Variants in G3BP2 observed in about 807,000 individuals in gnomAD.
G3BP2 encodes the protein ras GTPase-activating protein-binding protein 2.
Under a neutral mutation model 56.7 loss-of-function variants are expected in G3BP2, and 11 were observed. That is an observed-to-expected ratio of 0.19 (90% CI 0.12 to 0.32). The LOEUF is 0.32. Ranked by LOEUF, G3BP2 falls within the 10% of genes least tolerant of loss-of-function variation. G3BP2 has a pLI of 1.00. For missense variants in G3BP2, 340 were observed against 610.9 expected (o/e 0.56, Z 4.67); for synonymous variants, 165 against 191.6 (o/e 0.86, Z 1.15).
chr4:75,702,171 A>AT (rs57529973), intron 3 of G3BP2, among the ~76,000 whole-genome samples: 3,218 of 107,476 alleles, frequency 0.03, 181 homozygotes, highest in African/African-American at 0.093. Context: ...AAACCCCCCA[A>AT]TTTTTTTTTT....
intron 5 of G3BP2, among the ~76,000 whole-genome samples, chr4:75,656,486 A>C (rs1732128089): frequency 6.6e-6 from 1 of 152,220 alleles, no homozygotes; most frequent in African/African-American, 2.4e-5. Context: ...TAGAGCAATA[A>C]TGATAAAGAA....
chr4:75,694,299 G>T (rs571939037), intron 3 of G3BP2, among the ~76,000 whole-genome samples: 6 of 152,202 alleles, frequency 3.9e-5, no homozygotes, highest in African/African-American at 1.2e-4. Flanking sequence ...TGATCAGGAC[G>T]AGTGTTTAAA....
chr4:75,673,477 C>T (rs757570239), upstream of G3BP2: 8 of 1,232,174 alleles, frequency 6.5e-6, no homozygotes, highest in Middle Eastern at 3.1e-4. Flanking sequence ...AGGGAACCCC[C>T]GAGCACAGCG....
intron 2 of G3BP2, among the ~76,000 whole-genome samples, chr4:75,721,315 C>T (rs1440938932): frequency 4.6e-5 from 7 of 150,872 alleles, no homozygotes; most frequent in African/African-American, 1.7e-4. Context: ...GTGGCACAAT[C>T]ATGGCTCAAT....
intron 3 of G3BP2, among the ~76,000 whole-genome samples, 158 bp downstream of exon 3, chr4:75,658,685 C>G (rs1732306774): frequency 1.3e-5 from 2 of 151,306 alleles, no homozygotes; most frequent in African/African-American, 4.9e-5. Flanking sequence ...TGAGATCGCA[C>G]CACTGCACTC....
At chr4:75,713,524 T>C (rs2149111636) in intron 3 of G3BP2, among the ~76,000 whole-genome samples, 1 of 152,276 alleles carries the variant, frequency 6.6e-6, no homozygotes, top group Middle Eastern at 3.4e-3. Flanking sequence ...GGATCCTGCC[T>C]GTAATCTTGG....
intron 3 of G3BP2, among the ~76,000 whole-genome samples, chr4:75,697,302 G>C (rs2055999): frequency 3.7e-5 from 2 of 53,362 alleles, no homozygotes; most frequent in Non-Finnish European, 6.7e-5. Context: ...AAAAAAAAAA[G>C]ATCATGAAAT....
intron 5 of G3BP2, among the ~76,000 whole-genome samples, chr4:75,656,262 G>T (rs1289742555): frequency 1.3e-5 from 2 of 150,778 alleles, no homozygotes; most frequent in Non-Finnish European, 2.9e-5. Flanking sequence ...AAAACACTGG[G>T]ATTCCGGGCA....
Position 75,660,768 on chromosome 4 carries a change from T to C in G3BP2, c.95+1163A>G, listed in dbSNP as rs562652773. On this transcript the variant is annotated intron_variant, in intron 2 of 11. Transcript: ENST00000359707. ...TGGCAATATATTTATCCTTAACCCA[T>C]CTGGCCAGTGTGTTCTGCAATACTT... Among the ~76,000 whole-genome samples the C allele has an allele frequency of 3.9e-5, 6 of 152,288 alleles. No homozygotes were observed. The South Asian group carries it at 1.2e-3, about 32-fold the overall frequency.
intron 2 of G3BP2, among the ~76,000 whole-genome samples, chr4:75,660,662 C>T (rs1216280476): frequency 1.3e-5 from 2 of 152,270 alleles, no homozygotes; most frequent in Middle Eastern, 3.4e-3. Context: ...CAGAGCAAGA[C>T]AAATTGCTAC....
At chr4:75,707,546 G>C (rs1913299) in intron 3 of G3BP2, among the ~76,000 whole-genome samples, 130,033 of 149,240 alleles carry the variant, frequency 0.87, 56,646 homozygotes, top group East Asian at 0.9. Flanking sequence ...GGAGGCGGAG[G>C]TTGCAGTGAG....
chr4:75,717,786 C>T (rs1343887741), intron 3 of G3BP2, among the ~76,000 whole-genome samples: 1 of 152,096 alleles, frequency 6.6e-6, no homozygotes, highest in Non-Finnish European at 1.5e-5. Context: ...GTCAAATTCT[C>T]CACAAGAAAC....
chr4:75,652,662 T>C (rs533882147), intron 8 of G3BP2, among the ~76,000 whole-genome samples: 1 of 152,226 alleles, frequency 6.6e-6, no homozygotes, highest in South Asian at 2.1e-4. Context: ...ATGAGCCACA[T>C]ATGGACTCAT....
intron 3 of G3BP2, among the ~76,000 whole-genome samples, chr4:75,702,795 CA>C (rs781056914): frequency 3.3e-5 from 5 of 152,156 alleles, no homozygotes; most frequent in Non-Finnish European, 5.9e-5. Flanking sequence ...AAGAGACTTC[CA>C]AATGCTTCCA....
intron 2 of G3BP2, among the ~76,000 whole-genome samples, chr4:75,721,334 G>T (rs572329725): frequency 6.7e-6 from 1 of 149,638 alleles, no homozygotes; most frequent in Non-Finnish European, 1.5e-5. Context: ...ATGCAGCCTT[G>T]ATCTCCCAGG....
At position 75,711,534 on chromosome 4, in the gene G3BP2, G is replaced by A. The variant is rs566999552; in HGVS notation, c.-25+9343C>T. On this transcript the variant is annotated intron_variant, in intron 3 of 3. Coordinates refer to the G3BP2 transcript ENST00000499709. ...TTGAGACCAGCCTGGCCAACGTGGT[G>A]AAATCCTGCCTCTACTAAAAATACA... 2.5e-4 allele frequency among the ~76,000 whole-genome samples: 38 copies of A among 151,798 alleles called. 1 individual carries two copies. In the South Asian group the frequency reaches 6.5e-3, roughly 26 times the overall value.
chr4:75,722,298 C>T (rs144288953), intron 1 of G3BP2, among the ~76,000 whole-genome samples: 396 of 152,268 alleles, frequency 2.6e-3, no homozygotes, highest in South Asian at 4.8e-3. Flanking sequence ...TAAGCTGTTA[C>T]TACTACACTC....
intron 1 of G3BP2, among the ~76,000 whole-genome samples, chr4:75,665,684 C>G (rs1033073914): frequency 3.6e-4 from 54 of 148,414 alleles, no homozygotes; most frequent in African/African-American, 1.2e-3. Flanking sequence ...CACACACACA[C>G]AGCTAAGCAA....
In G3BP2 at chr4:75,644,470, C is replaced by T. The variant is rs1353603463; in HGVS notation, c.*960G>A. 6.6e-6 allele frequency: 1 copy of T among 152,620 alleles called. No individual in the cohort carries two copies. The highest frequency in any genetic ancestry group is 1.5e-5 in the Non-Finnish European group (1 of 68,044). The allele number at this position is 152,620 out of a possible 1,614,324, so 9.5% of individuals were successfully genotyped here. A position where few individuals can be genotyped will look rare whatever the true frequency, so the allele number is the denominator to read the frequency against. ...TTTGCAGCTGTTTGGCTTTGCAGCA[C>T]AGCAATTCATACACTATACTGTACA... On this transcript the variant is annotated 3_prime_UTR_variant, in exon 12 of 12. Coordinates refer to ENST00000359707, the MANE Select transcript of G3BP2 (RefSeq NM_203505.3).
Sources: allele counts gnomAD v4.1 joint callset (sites outside exome capture counted in the v4.1 genomes callset), GRCh38; gene constraint gnomAD v4.1.1; transcripts MANE v1.5; gene names NCBI Gene and HGNC (gene_info 2026-07-23, HGNC 2026-07-21).